The following FBN1 variants were observed in gnomAD, a reference collection of about 807,000 sequenced individuals.
FBN1 encodes fibrillin-1.
Under a neutral mutation model 365.1 loss-of-function variants are expected in FBN1, and 29 were observed. The observed-to-expected ratio is 0.08, with a 90% CI of 0.06 to 0.11. FBN1 has a LOEUF of 0.11. Ranked by LOEUF, FBN1 falls within the 10% of genes least tolerant of loss-of-function variation. The pLI, the probability that FBN1 is intolerant of heterozygous loss-of-function variation, is 1.00. For synonymous variants in FBN1, 1,210 were observed against 1,270.5 expected, an observed-to-expected ratio of 0.95 and a Z score of 1.01; for missense variants, 2,476 against 3,703.2, an observed-to-expected ratio of 0.67 and a Z score of 8.60.
intron 5 of FBN1, among the ~76,000 whole-genome samples, chr15:48,597,959 A>G (rs2044528567): frequency 6.6e-6 from 1 of 152,202 alleles, no homozygotes; most frequent in Non-Finnish European, 1.5e-5. Context: ...GGGGAGCAGA[A>G]GAGATGCCCA....
intron 22 of FBN1, 65 bp from the exon 23 acceptor site, chr15:48,494,319 G>T: frequency 8.2e-7 from 1 of 1,222,918 alleles, no homozygotes; most frequent in Non-Finnish European, 1.2e-6. Context: ...AGACTTTGCA[G>T]TTCTGACATA....
intron 1 of FBN1, among the ~76,000 whole-genome samples, chr15:48,645,284 ACTC>A (rs1452311425): frequency 6.7e-6 from 1 of 149,986 alleles, no homozygotes; most frequent in Non-Finnish European, 1.5e-5. Flanking sequence ...TGAACGCCCC[ACTC>A]CTCAGCCTGC....
At chr15:48,555,368 G>A (rs1180332908) in intron 6 of FBN1, among the ~76,000 whole-genome samples, 1 of 152,148 alleles carries the variant, frequency 6.6e-6, no homozygotes, top group African/African-American at 2.4e-5. Flanking sequence ...AATCTGTGGA[G>A]ACTATTTGGC....
chr15:48,436,084 C>G (rs1281820741), intron 53 of FBN1, among the ~76,000 whole-genome samples: 1 of 151,998 alleles, frequency 6.6e-6, no homozygotes, highest in African/African-American at 2.4e-5. Flanking sequence ...ACTGAAGATT[C>G]TGAGGAGAAA....
At chr15:48,628,885 CAT>C (rs1889934851) in intron 2 of FBN1, among the ~76,000 whole-genome samples, 3 of 152,050 alleles carry the variant, frequency 2.0e-5, no homozygotes, top group African/African-American at 4.8e-5. Flanking sequence ...TGGAAGGACA[CAT>C]ACCACTTATA....
At chr15:48,439,123 C>G (rs2043094092) in intron 50 of FBN1, among the ~76,000 whole-genome samples, 1 of 152,158 alleles carries the variant, frequency 6.6e-6, no homozygotes, top group Non-Finnish European at 1.5e-5. Flanking sequence ...GTAGGAATAA[C>G]AGAGTTGCCA....
chr15:48,639,704 G>C (rs1408797636), intron 2 of FBN1, among the ~76,000 whole-genome samples: 1 of 152,158 alleles, frequency 6.6e-6, no homozygotes, highest in Non-Finnish European at 1.5e-5. Context: ...ACTATCATGT[G>C]CCTGAGTTAG....
intron 25 of FBN1, among the ~76,000 whole-genome samples, chr15:48,489,198 ATATT>A (rs2043534505): frequency 8.6e-6 from 1 of 115,854 alleles, no homozygotes; most frequent in Admixed American, 1.0e-4. Flanking sequence ...CCATGCCTAG[ATATT>A]TTTTTTTTTT....
intron 49 of FBN1, among the ~76,000 whole-genome samples, chr15:48,444,251 T>C (rs2043137343): frequency 6.6e-6 from 1 of 152,180 alleles, no homozygotes; most frequent in Admixed American, 6.5e-5. Flanking sequence ...AGTTCGGAAA[T>C]ACTGGGAGTA....
rs535369580 is a variant in FBN1 at position 48,457,814 on chromosome 15, G to A, written c.5297-1052C>T. 5.3e-5 allele frequency among the ~76,000 whole-genome samples: 8 copies of A among 152,234 alleles called. No individual in the cohort carries two copies. In the South Asian group the frequency reaches 1.5e-3, roughly 28 times the overall value. ...ACTATGACTATTCTAACTAAGAGAT[G>A]AAGCAAGTGAGGCCAAGCCACAGGA... is the stretch of plus-strand genomic sequence containing the variant. On this transcript the variant is annotated intron_variant, in intron 43 of 65. Coordinates refer to ENST00000316623, the MANE Select transcript of FBN1 (RefSeq NM_000138.5).
intron 54 of FBN1, among the ~76,000 whole-genome samples, chr15:48,433,525 T>C (rs1474976384): frequency 2.6e-5 from 4 of 152,194 alleles, no homozygotes; most frequent in Non-Finnish European, 5.9e-5. Flanking sequence ...GATCATTTTA[T>C]ACTGACAGAG....
chr15:48,633,471 C>T (rs890363813), intron 2 of FBN1, among the ~76,000 whole-genome samples: 2 of 152,044 alleles, frequency 1.3e-5, no homozygotes, highest in Non-Finnish European at 2.9e-5. Flanking sequence ...TGGAGGGTTG[C>T]GGGGAGGAGT....
At position 48,470,682 on chromosome 15, in the gene FBN1, C is replaced by T. The variant is rs779079538; in HGVS notation, c.4411G>A (p.Glu1471Lys). ...TCCAGTTCGTAGCCTATCTCACACTCACAGCGGAACAGGCCAGGGAGGTTG... is the reference window on the plus strand; with the variant it reads ...TCCAGTTCGTAGCCTATCTCACACTTACAGCGGAACAGGCCAGGGAGGTTG... The part of the protein sequence containing the change: ...CHNLPGLFRC[E>K]CEIGYELDRS... Residue 1471 changes from glutamate to lysine, a missense_variant, in exon 36 of 66, where the codon GAG becomes AAG. This residue lies in a region of FBN1 where 1,780 missense variants were observed against 2,840.8 expected (regional missense o/e 0.63). Transcript: ENST00000316623. 1 of 1,614,094 alleles carries T rather than the reference C, an allele frequency of 6.2e-7. No homozygotes were observed. The highest frequency in any genetic ancestry group is 1.1e-5 in the South Asian group (1 of 91,076).
intron 5 of FBN1, among the ~76,000 whole-genome samples, chr15:48,598,272 A>C (rs74012214): frequency 0.014 from 2,112 of 152,316 alleles, 45 homozygotes; most frequent in African/African-American, 0.049. Flanking sequence ...CAGTTCCCTC[A>C]TCTGCCAGAG....
intron 9 of FBN1, among the ~76,000 whole-genome samples, chr15:48,521,633 G>A (rs976775622): frequency 6.6e-6 from 1 of 152,150 alleles, no homozygotes; most frequent in Non-Finnish European, 1.5e-5. Context: ...GCAGCTCTGG[G>A]TTACGGAAAG....
chr15:48,430,900 T>C, intron 55 of FBN1, 98 bp from the exon 56 acceptor site: 2 of 1,139,408 alleles, frequency 1.8e-6, no homozygotes, highest in South Asian at 1.3e-5. Flanking sequence ...AGTAACCAAT[T>C]TTCATCTGTT....
At chr15:48,421,780 G>T in intron 61 of FBN1, 94 bp from the exon 62 acceptor site, 1 of 1,418,146 alleles carries the variant, frequency 7.1e-7, no homozygotes, top group Non-Finnish European at 9.8e-7. Flanking sequence ...CTCGGAAAAG[G>T]CCAAATAAGG....
At chr15:48,520,328 C>G (rs965695034) in intron 10 of FBN1, among the ~76,000 whole-genome samples, 14 of 152,038 alleles carry the variant, frequency 9.2e-5, no homozygotes, top group African/African-American at 3.4e-4. Context: ...CTGAAAAATT[C>G]TGAAAGCTGA....
chr15:48,428,327 C>A lies in FBN1; in HGVS notation c.6997+19G>T, dbSNP rs767445722. Reference sequence around the variant, plus strand: ...TGTGGAGGCTGAGGTTAGGAAAGTGCGGTGCCAACTGTACTCACCAAGGCA... The same window carrying A: ...TGTGGAGGCTGAGGTTAGGAAAGTGAGGTGCCAACTGTACTCACCAAGGCA... On this transcript the variant is annotated intron_variant, in intron 57 of 65. Coordinates refer to ENST00000316623, the MANE Select transcript of FBN1 (RefSeq NM_000138.5). The A allele has an allele frequency of 8.1e-6, 13 of 1,613,580 alleles. No individual in the cohort carries two copies. The highest frequency in any genetic ancestry group is 1.3e-5 in the African/African-American group (1 of 74,874).
Sources: allele counts gnomAD v4.1 joint callset (sites outside exome capture counted in the v4.1 genomes callset), GRCh38; gene constraint gnomAD v4.1.1; regional missense constraint gnomAD v4.1.1; transcripts MANE v1.5; gene names NCBI Gene and HGNC (gene_info 2026-07-23, HGNC 2026-07-21).